Variants in TEX9 observed in about 807,000 individuals in gnomAD.
The protein encoded by TEX9 is testis-expressed protein 9.
TEX9 carries 74 observed loss-of-function variants against 59.6 expected under a neutral mutation model. That is an observed-to-expected ratio of 1.24 (90% confidence interval 1.03 to 1.51). The LOEUF (loss-of-function observed/expected upper bound fraction) is 1.51. TEX9 is among the 40% of genes most tolerant of loss of function. The pLI is 0.00. For missense variants in TEX9, 522 were observed against 447.8 expected, an observed-to-expected ratio of 1.17 and a Z score of -1.49; for synonymous variants, 186 against 152.2, an observed-to-expected ratio of 1.22 and a Z score of -1.64.
intron 3 of TEX9, among the ~76,000 whole-genome samples, chr15:56,377,459 G>T (rs920816932): frequency 6.6e-6 from 1 of 152,002 alleles, no homozygotes; most frequent in African/African-American, 2.4e-5. Context: ...TTGTTGTAGA[G>T]ATCTGTTACT....
chr15:56,412,495 A>T, intron 10 of TEX9, 59 bp downstream of exon 10: 10 of 1,495,456 alleles, frequency 6.7e-6, no homozygotes, highest in Non-Finnish European at 9.0e-6. Flanking sequence ...TTCTTTTATG[A>T]ACATGTCAAA....
intron 10 of TEX9, among the ~76,000 whole-genome samples, chr15:56,416,713 G>T (rs1307863340): frequency 6.6e-6 from 1 of 151,820 alleles, no homozygotes; most frequent in Non-Finnish European, 1.5e-5. Flanking sequence ...TCAAGATGAT[G>T]CTGGCCCCAT....
At chr15:56,263,047 G>A (rs745535691) in intron 1 of TEX9, among the ~76,000 whole-genome samples, 5 of 151,946 alleles carry the variant, frequency 3.3e-5, no homozygotes, top group South Asian at 2.1e-4. Context: ...TTTTTGAGAC[G>A]GAGTTTTGGT....
intron 9 of TEX9, among the ~76,000 whole-genome samples, chr15:56,410,705 G>C (rs2049305542): frequency 6.6e-6 from 1 of 152,146 alleles, no homozygotes; most frequent in African/African-American, 2.4e-5. Context: ...GTACAGGATG[G>C]TTTTCATTTT....
intron 1 of TEX9, among the ~76,000 whole-genome samples, chr15:56,277,654 T>G (rs2141435172): frequency 6.6e-6 from 1 of 152,392 alleles, no homozygotes; most frequent in East Asian, 1.9e-4. Context: ...CTATATGGGC[T>G]TTTTTGGTTC....
At chr15:56,437,865 A>G (rs2050754909) in intron 12 of TEX9, among the ~76,000 whole-genome samples, 2 of 152,200 alleles carry the variant, frequency 1.3e-5, no homozygotes, top group African/African-American at 2.4e-5. Context: ...TCGATTCACA[A>G]TTGCTTCAAA....
chr15:56,431,562 A>T, intron 12 of TEX9: 1 of 1,538,314 alleles, frequency 6.5e-7, no homozygotes, highest in South Asian at 1.2e-5. Flanking sequence ...GTTTTCAAAT[A>T]AAACTACTCA....
chr15:56,254,094 T>C (rs2044090563), intron 1 of TEX9, among the ~76,000 whole-genome samples: 1 of 152,168 alleles, frequency 6.6e-6, no homozygotes, highest in African/African-American at 2.4e-5. Flanking sequence ...GCAGGAAAGT[T>C]ACCTCTACCA....
chr15:56,317,613 G>C lies in TEX9; in HGVS notation c.-106-55828G>C, dbSNP rs74846602. 5.3e-3 allele frequency among the ~76,000 whole-genome samples: 803 copies of C among 152,192 alleles called. 6 individuals carry two copies. The highest frequency in any genetic ancestry group is 0.018 in the African/African-American group (768 of 41,522). On this transcript the variant is annotated intron_variant, in intron 1 of 5. Transcript: ENST00000560827. ...ATCCTTTTTCTAGTTTATTAAGGCA[G>C]ACATTTAGGCTTTCTATTTGAGATC... is the stretch of plus-strand genomic sequence containing the variant.
At chr15:56,390,146 A>G (rs571886973) in intron 6 of TEX9, among the ~76,000 whole-genome samples, 69 of 152,060 alleles carry the variant, frequency 4.5e-4, no homozygotes, top group African/African-American at 1.5e-3. Flanking sequence ...GAAATTAACT[A>G]TACAATAGAT....
At chr15:56,372,639 C>G (rs1290950937) in intron 2 of TEX9, among the ~76,000 whole-genome samples, 1 of 151,980 alleles carries the variant, frequency 6.6e-6, no homozygotes, top group African/African-American at 2.4e-5. Context: ...GATAGATATT[C>G]CTTTTATATT....
At chr15:56,285,469 C>A (rs2141476533) in intron 1 of TEX9, among the ~76,000 whole-genome samples, 1 of 152,274 alleles carries the variant, frequency 6.6e-6, no homozygotes, top group South Asian at 2.1e-4. Flanking sequence ...ACTAAACTCT[C>A]CTCCCATTTG....
intron 10 of TEX9, among the ~76,000 whole-genome samples, chr15:56,424,584 T>C (rs1315615345): frequency 1.3e-5 from 2 of 152,170 alleles, no homozygotes; most frequent in Admixed American, 6.6e-5. Flanking sequence ...CCTTATTGTT[T>C]AGTTGATTTT....
At chr15:56,365,358 G>C, upstream of TEX9, 1 of 1,498,808 alleles carries the variant, frequency 6.7e-7, no homozygotes, top group Non-Finnish European at 8.9e-7. Flanking sequence ...AGAGTGGGAA[G>C]GCGTAGGCGC....
chr15:56,296,735 C>T (rs1191372098), intron 1 of TEX9, among the ~76,000 whole-genome samples: 4 of 152,064 alleles, frequency 2.6e-5, no homozygotes, highest in African/African-American at 9.7e-5. Context: ...GTGAGTCTAA[C>T]GTCTAGGGAA....
At position 56,355,643 on chromosome 15, in the gene TEX9, A is replaced by G. The variant is rs1028487291; in HGVS notation, c.-106-17798A>G. 2.6e-5 allele frequency among the ~76,000 whole-genome samples: 4 copies of G among 152,242 alleles called. No individual in the cohort carries two copies. The East Asian group carries it at 7.7e-4, about 29-fold the overall frequency. Reference sequence around the variant, plus strand: ...TTAGAATCAGCTGATAAATTTCTACAAAAGTTTTGCTAGGATGTTGATTGG... The same window carrying G: ...TTAGAATCAGCTGATAAATTTCTACGAAAGTTTTGCTAGGATGTTGATTGG... On this transcript the variant is annotated intron_variant, in intron 1 of 5. Transcript: ENST00000560827.
At chr15:56,287,127 GA>G (rs1862199470) in intron 1 of TEX9, among the ~76,000 whole-genome samples, 1 of 152,148 alleles carries the variant, frequency 6.6e-6, no homozygotes, top group Non-Finnish European at 1.5e-5. Context: ...ATGTCAATAG[GA>G]GAACTATGAA....
chr15:56,411,709 A>C (rs1240775455), intron 9 of TEX9, among the ~76,000 whole-genome samples: 4 of 152,136 alleles, frequency 2.6e-5, no homozygotes, highest in Non-Finnish European at 4.4e-5. Flanking sequence ...ATGTTTCTTC[A>C]GGTGTTGGCC....
intron 1 of TEX9, among the ~76,000 whole-genome samples, chr15:56,284,339 T>G (rs1003050573): frequency 2.0e-5 from 3 of 152,106 alleles, no homozygotes; most frequent in African/African-American, 7.2e-5. Flanking sequence ...CCTAAATATT[T>G]TATTAAAACT....
Sources: gnomAD v4.1 joint callset for allele counts (sites outside exome capture counted in the v4.1 genomes callset) on GRCh38, gnomAD v4.1.1 for gene constraint, MANE v1.5 for transcripts, NCBI Gene and HGNC (gene_info 2026-07-23, HGNC 2026-07-21) for gene names.